STK17A: variants seen among roughly 807,000 people sequenced by gnomAD.
The protein encoded by STK17A is serine/threonine kinase 17a, also known as serine/threonine-protein kinase 17A.
STK17A carries 26 observed loss-of-function variants against 43.7 expected under a neutral mutation model. That is an observed-to-expected ratio of 0.60 (90% CI 0.44 to 0.83). STK17A has a LOEUF of 0.83. Among genes scored for constraint, STK17A ranks in the 40% least tolerant of loss-of-function variants. STK17A has a pLI of 0.00. For missense variants in STK17A, 476 were observed against 511.6 expected (o/e 0.93, Z 0.67); for synonymous variants, 191 against 182.5 (o/e 1.05, Z -0.38).
chr7:43,608,574 T>G, intron 3 of STK17A, 174 bp downstream of exon 3: 1 of 632,806 alleles, frequency 1.6e-6, no homozygotes, highest in Non-Finnish European at 2.6e-6. Context: ...AGGGAGATAA[T>G]GCACACATGT....
intron 3 of STK17A, among the ~76,000 whole-genome samples, chr7:43,617,809 C>A (rs2153000010): frequency 6.6e-6 from 1 of 152,234 alleles, no homozygotes; most frequent in South Asian, 2.1e-4. Context: ...AAGATCAAGC[C>A]TTGAGAAACC....
chr7:43,599,724 A>G (rs1245320542), intron 2 of STK17A, among the ~76,000 whole-genome samples: 3 of 152,312 alleles, frequency 2.0e-5, no homozygotes, highest in Non-Finnish European at 2.9e-5. Flanking sequence ...AAGTTCCACA[A>G]TAGGCCTGCA....
At position 43,587,147 on chromosome 7, in the gene STK17A, G is replaced by GTT. The variant is rs202031785; in HGVS notation, c.206+3703_206+3704dup. 7.7e-3 allele frequency among the ~76,000 whole-genome samples: 867 copies of GTT among 113,212 alleles called. 43 individuals are homozygous for GTT. Among genetic ancestry groups the GTT allele is most frequent in the African/African-American group, 0.016 (548 of 34,482 alleles). 74.3% of individuals were successfully genotyped at this position (113,212 alleles called of 152,430 possible). A position where few individuals can be genotyped will look rare whatever the true frequency, so the allele number is the denominator to read the frequency against. ...TTTAATGAAATGATATGTTTTTATT[G>GTT]TTTTTTGTTTTTTTTTTTTTTTTTT... On this transcript the variant is annotated intron_variant, in intron 1 of 6. Transcript: ENST00000319357.
In STK17A at chr7:43,626,956, A is replaced by T. The variant is rs531554009; in HGVS notation, c.*2114A>T. ...GGCATTTTTTGGTTTATAAGATAAA[A>T]ACAGGGCATGAAGAGCCTTCATAGT... is the stretch of plus-strand genomic sequence containing the variant. On this transcript the variant is annotated 3_prime_UTR_variant, in exon 7 of 7. Transcript: ENST00000319357. 6.6e-5 allele frequency among the ~76,000 whole-genome samples: 10 copies of T among 152,182 alleles called. No individual in the cohort carries two copies. Among genetic ancestry groups the T allele is most frequent in the Non-Finnish European group, 1.5e-4 (10 of 68,024 alleles).
rs57811536 is a variant in STK17A at position 43,595,267 on chromosome 7, C to CTTTTT, written c.207-618_207-614dup. Among the ~76,000 whole-genome samples the CTTTTT allele has an allele frequency of 2.3e-5, 2 of 88,344 alleles. 1 individual carries two copies. Among genetic ancestry groups the CTTTTT allele is most frequent in the African/African-American group, 7.2e-5 (2 of 27,796 alleles). The allele number at this position is 88,344 out of a possible 152,430, so 58.0% of individuals were successfully genotyped here. A position where few individuals can be genotyped will look rare whatever the true frequency, so the allele number is the denominator to read the frequency against. On this transcript the variant is annotated intron_variant, in intron 1 of 6. Transcript: ENST00000319357. ...CAATTTCTATTAAAAAATCAAATGG[C>CTTTTT]TTTTTTTTTTTTTTTTTTTTCCCCC...
chr7:43,600,154 C>T (rs751305494), intron 2 of STK17A, among the ~76,000 whole-genome samples: 1 of 152,160 alleles, frequency 6.6e-6, no homozygotes, highest in Non-Finnish European at 1.5e-5. Flanking sequence ...GAAATTAAGA[C>T]CATAAATCCA....
chr7:43,599,095 T>C (rs2152971483), intron 2 of STK17A, among the ~76,000 whole-genome samples: 1 of 152,312 alleles, frequency 6.6e-6, no homozygotes, highest in Non-Finnish European at 1.5e-5. Context: ...AAATCAACAT[T>C]GTGATAATAT....
chr7:43,585,042 C>G (rs190476712), intron 1 of STK17A, among the ~76,000 whole-genome samples: 406 of 152,194 alleles, frequency 2.7e-3, no homozygotes, highest in African/African-American at 8.8e-3. Flanking sequence ...ACCAAAAATA[C>G]AATAATTAGC....
chr7:43,622,404 T>G (rs553433896), intron 4 of STK17A: 1 of 152,354 alleles, frequency 6.6e-6, no homozygotes, highest in East Asian at 1.9e-4. Context: ...TGACCTTGAG[T>G]ATTTCGTTTT....
At chr7:43,599,181 C>G (rs2082540327) in intron 2 of STK17A, among the ~76,000 whole-genome samples, 1 of 152,222 alleles carries the variant, frequency 6.6e-6, no homozygotes, top group Admixed American at 6.5e-5. Flanking sequence ...CCAATTCATA[C>G]TTCCAGTATT....
chr7:43,600,642 CATTG>C (rs1395510803), intron 2 of STK17A, among the ~76,000 whole-genome samples: 5 of 152,168 alleles, frequency 3.3e-5, no homozygotes, highest in Non-Finnish European at 7.3e-5. Context: ...AAGCGATATT[CATTG>C]ATTGAGCCAT....
At chr7:43,602,707 CATACATTTATGTTTT>C (rs1282018344) in intron 2 of STK17A, among the ~76,000 whole-genome samples, 1 of 152,120 alleles carries the variant, frequency 6.6e-6, no homozygotes, top group Non-Finnish European at 1.5e-5. Flanking sequence ...TTACTTATGT[CATACATTTATGTTTT>C]ATACATTTAC....
intron 1 of STK17A, among the ~76,000 whole-genome samples, chr7:43,592,343 T>C (rs1427859744): frequency 7.9e-5 from 12 of 151,570 alleles, no homozygotes; most frequent in Admixed American, 7.9e-4. Flanking sequence ...AAAGAACTTT[T>C]ATCTGAATAA....
At chr7:43,609,621 T>C (rs1206044846) in intron 3 of STK17A, 1 of 152,234 alleles carries the variant, frequency 6.6e-6, no homozygotes, top group East Asian at 1.9e-4. Context: ...ATGGTTACTT[T>C]CATATCAAGT....
intron 1 of STK17A, among the ~76,000 whole-genome samples, chr7:43,590,437 C>G (rs34351752): frequency 2.6e-5 from 4 of 151,022 alleles, no homozygotes; most frequent in Admixed American, 1.3e-4. Flanking sequence ...TCAAATGTCA[C>G]CTCCTCTTGT....
rs145133941 is a variant in STK17A at position 43,601,546 on chromosome 7, T to G, written c.419+5433T>G. Reference sequence around the variant, plus strand: ...TCTGTCTCCAAAATCTCCTCATTCTTGCAAAACCTGCTCTTCAGCCTTTCA... The same window carrying G: ...TCTGTCTCCAAAATCTCCTCATTCTGGCAAAACCTGCTCTTCAGCCTTTCA... On this transcript the variant is annotated intron_variant, in intron 2 of 6. Coordinates refer to ENST00000319357, the MANE Select transcript of STK17A (RefSeq NM_004760.3). Among the ~76,000 whole-genome samples the G allele has an allele frequency of 2.4e-4, 36 of 152,344 alleles. 1 individual carries two copies. The East Asian group carries it at 5.6e-3, about 24-fold the overall frequency.
intron 2 of STK17A, 74 bp from the exon 3 acceptor site, chr7:43,608,182 T>G: frequency 7.1e-7 from 1 of 1,401,380 alleles, no homozygotes; most frequent in South Asian, 1.4e-5. Context: ...GTAATTAATT[T>G]ACTCTGTAGT....
At chr7:43,617,779 G>A (rs2083481545) in intron 3 of STK17A, among the ~76,000 whole-genome samples, 1 of 152,104 alleles carries the variant, frequency 6.6e-6, no homozygotes, top group Admixed American at 6.5e-5. Flanking sequence ...AGAGTTTGGA[G>A]TAAAAAGAGG....
At chr7:43,599,717 T>A (rs949025596) in intron 2 of STK17A, among the ~76,000 whole-genome samples, 1 of 152,170 alleles carries the variant, frequency 6.6e-6, no homozygotes, top group African/African-American at 2.4e-5. Flanking sequence ...GACTGAGAAG[T>A]TCCACAATAG....
Sources: allele counts gnomAD v4.1 joint callset (sites outside exome capture counted in the v4.1 genomes callset), GRCh38; gene constraint gnomAD v4.1.1; transcripts MANE v1.5; gene names NCBI Gene and HGNC (gene_info 2026-07-23, HGNC 2026-07-21).